The following FBXO38 variants were observed in gnomAD, a reference collection of about 807,000 sequenced individuals.
FBXO38 encodes the protein F-box only protein 38.
FBXO38 carries 53 observed loss-of-function variants against 131.9 expected under a neutral mutation model. That is an observed-to-expected ratio of 0.40 (90% CI 0.32 to 0.51). The LOEUF (loss-of-function observed/expected upper bound fraction) is 0.51, where lower values mean the gene tolerates loss of function less well. FBXO38 is among the 20% of genes least tolerant of loss of function. FBXO38 has a pLI of 0.53. For missense variants in FBXO38, 1,076 were observed against 1,475.6 expected (o/e 0.73, Z 4.44); for synonymous variants, 452 against 505.6 (o/e 0.89, Z 1.42).
intron 19 of FBXO38, 106 bp downstream of exon 19, chr5:148,439,898 C>T: frequency 3.5e-6 from 4 of 1,156,864 alleles, no homozygotes; most frequent in Non-Finnish European, 3.7e-6. Context: ...TCCATCTAAG[C>T]TTTTCAAACA....
At chr5:148,402,282 G>A (rs1264269081) in intron 4 of FBXO38, 66 bp from the exon 5 acceptor site, 1 of 1,548,768 alleles carries the variant, frequency 6.5e-7, no homozygotes, top group Non-Finnish European at 8.8e-7. Flanking sequence ...AGCATCTTGT[G>A]GTACATAAAG....
rs1231257299 is a variant in FBXO38, at chr5:148,425,544, A to C, written c.1761A>C (p.Val587=). The C allele has an allele frequency of 1.2e-6, 2 of 1,613,716 alleles. No individual in the cohort carries two copies. Among genetic ancestry groups the C allele is most frequent in the South Asian group, 2.2e-5 (2 of 91,052 alleles). Residue 587 remains valine (V), a synonymous_variant, in exon 14 of 22, where the codon GTA becomes GTC. Coordinates refer to ENST00000340253, the MANE Select transcript of FBXO38 (RefSeq NM_205836.3). ...AAGGACCCAGTGGTCTTCAGCGTGT[A>C]GTAAAACCAACCTCAATTACTGTTC... ...EQAGPSGLQR[V]VKPTSITVHD...
chr5:148,433,889 A>C (rs1017304914), intron 17 of FBXO38, 152 bp downstream of exon 17: 1 of 489,352 alleles, frequency 2.0e-6, no homozygotes, highest in African/African-American at 2.0e-5. Flanking sequence ...CTAGTTCTCA[A>C]ATTATTACTC....
chr5:148,409,293 AAT>A, intron 8 of FBXO38, 76 bp downstream of exon 8: 1 of 958,632 alleles, frequency 1.0e-6, no homozygotes, highest in Non-Finnish European at 1.7e-6. Flanking sequence ...AAAATTGTGG[AAT>A]GTGTGTGTAT....
At chr5:148,398,430 C>A in intron 2 of FBXO38, among the ~76,000 whole-genome samples, 1 of 145,746 alleles carries the variant, frequency 6.9e-6, no homozygotes, top group African/African-American at 2.6e-5. Context: ...GTGTATGTGA[C>A]CTTAAAGGTT....
At chr5:148,430,172 T>TG (rs1753960631) in intron 15 of FBXO38, 1 of 147,414 alleles carries the variant, frequency 6.8e-6, no homozygotes, top group Non-Finnish European at 1.5e-5. Flanking sequence ...TTTTTTTTTT[T>TG]GAGACGAATT....
At chr5:148,433,170 T>C (rs1403384193) in intron 15 of FBXO38, 1 of 329,188 alleles carries the variant, frequency 3.0e-6, no homozygotes, top group East Asian at 6.1e-5. Context: ...GAAGTAGGAA[T>C]GTTTATTAGA....
rs768946053 is a variant in FBXO38 at position 148,424,083 on chromosome 5, A to G, written c.1704A>G (p.Ala568=). The G allele has an allele frequency of 5.6e-6, 9 of 1,613,552 alleles. No homozygotes were observed. The East Asian group carries it at 1.8e-4, about 32-fold the overall frequency. The change falls in exon 13 of 22, where the codon GCA becomes GCG. Residue 568 remains alanine (A), a synonymous_variant. Transcript: ENST00000340253. ...SGNNTPAHSQ[A]IIPVDVDEEQ... ...ATAATACTCCAGCTCACAGCCAGGC[A>G]ATTATTCCTGTGGATGTTGATGAGG...
chr5:148,419,461 G>A (rs1753270820), intron 12 of FBXO38, among the ~76,000 whole-genome samples: 1 of 152,138 alleles, frequency 6.6e-6, no homozygotes, highest in Admixed American at 6.5e-5. Context: ...AATAAAAGGG[G>A]TAATGGGGAA....
intron 5 of FBXO38, among the ~76,000 whole-genome samples, chr5:148,402,866 G>T (rs563927705): frequency 6.6e-6 from 1 of 152,164 alleles, no homozygotes; most frequent in Non-Finnish European, 1.5e-5. Context: ...TTTAATATTT[G>T]TTTACTACTT....
In FBXO38 at chr5:148,427,541, G is replaced by A. The variant is rs902040763; in HGVS notation, c.2247G>A (p.Gln749=). 37 of 1,614,078 alleles carry A rather than the reference G, an allele frequency of 2.3e-5. No individual in the cohort carries two copies. Among genetic ancestry groups the A allele is most frequent in the Non-Finnish European group, 3.1e-5 (37 of 1,180,038 alleles). ...CTACAGAAGTGGATGTGTCCAGGCA[G>A]TGTGCCTGCTCCCCCGGTGGGTCAG... ...PSPTEVDVSR[Q]CACSPGGSED... Residue 749 remains glutamine (Q), a synonymous_variant, in exon 15 of 22, where the codon CAG becomes CAA. Transcript: ENST00000340253.
At chr5:148,411,705 T>C (rs1193544812) in intron 9 of FBXO38, among the ~76,000 whole-genome samples, 3 of 152,322 alleles carry the variant, frequency 2.0e-5, no homozygotes, top group Non-Finnish European at 2.9e-5. Flanking sequence ...GCCATCCTTT[T>C]CTAGACAGTT....
intron 15 of FBXO38, chr5:148,430,952 C>G (rs947556968): frequency 6.6e-6 from 1 of 152,172 alleles, no homozygotes; most frequent in African/African-American, 2.4e-5. Context: ...TAAACACTTT[C>G]CCTGACACCC....
At chr5:148,391,935 A>C (rs541993730) in intron 1 of FBXO38, among the ~76,000 whole-genome samples, 142 of 152,318 alleles carry the variant, frequency 9.3e-4, no homozygotes, top group Admixed American at 2.1e-3. Context: ...ACTTTTTAAA[A>C]AAAGTTTTAG....
chr5:148,403,459 C>T (rs192310269), intron 5 of FBXO38, among the ~76,000 whole-genome samples: 2,316 of 143,446 alleles, frequency 0.016, 33 homozygotes, highest in South Asian at 0.057. Context: ...CTGTCTCACC[C>T]TTCTTCCTTG....
At chr5:148,415,763 T>C (rs961337024) in intron 10 of FBXO38, among the ~76,000 whole-genome samples, 165 bp from the exon 11 acceptor site, 3 of 152,142 alleles carry the variant, frequency 2.0e-5, no homozygotes, top group East Asian at 1.9e-4. Flanking sequence ...GAATTAGGTA[T>C]GTAAACATCA....
At chr5:148,411,450 A>G (rs1752748112) in intron 9 of FBXO38, among the ~76,000 whole-genome samples, 1 of 152,116 alleles carries the variant, frequency 6.6e-6, no homozygotes, top group South Asian at 2.1e-4. Context: ...TTCCCACCTG[A>G]TTTGCAACAA....
Position 148,424,039 on chromosome 5 carries a change from G to T in FBXO38, c.1660G>T (p.Val554Leu). The change falls in exon 13 of 22, where the codon GTG becomes TTG. Residue 554 changes from valine to leucine, a missense_variant. Transcript: ENST00000340253. ...AGACATCGTCCAAGAAGATGGAGAGGTGGTGGCCGAGAGTGGAAATAATAC... is the reference window on the plus strand; with the variant it reads ...AGACATCGTCCAAGAAGATGGAGAGTTGGTGGCCGAGAGTGGAAATAATAC... ...MEDIVQEDGE[V>L]VAESGNNTPA... 1 of 1,613,642 alleles carries T rather than the reference G, an allele frequency of 6.2e-7. No individual in the cohort carries two copies. Among genetic ancestry groups the T allele is most frequent in the Non-Finnish European group, 8.5e-7 (1 of 1,179,712 alleles).
chr5:148,408,126 A>G (rs1403212535), intron 7 of FBXO38, among the ~76,000 whole-genome samples: 1 of 152,220 alleles, frequency 6.6e-6, no homozygotes, highest in African/African-American at 2.4e-5. Flanking sequence ...AAAAAACGAT[A>G]AAAGTTTACT....
Sources: allele counts gnomAD v4.1 joint callset (sites outside exome capture counted in the v4.1 genomes callset), GRCh38; gene constraint gnomAD v4.1.1; transcripts MANE v1.5; gene names NCBI Gene and HGNC (gene_info 2026-07-23, HGNC 2026-07-21).